The following RS1 variants were observed in gnomAD, a reference collection of about 807,000 sequenced individuals.
RS1 encodes the protein retinoschisin.
RS1 carries 2 observed loss-of-function variants against 20.8 expected under a neutral mutation model. The ratio of observed to expected loss-of-function variants is 0.10; its 90% CI spans 0.04 to 0.30. The LOEUF (loss-of-function observed/expected upper bound fraction) is 0.30, where lower values mean the gene tolerates loss of function less well. RS1 is among the 10% of genes least tolerant of loss of function. The pLI, the probability that RS1 is intolerant of heterozygous loss-of-function variation, is 1.00. For synonymous variants in RS1, 70 were observed against 75.8 expected, an observed-to-expected ratio of 0.92 and a Z score of 0.40; for missense variants, 151 against 189.8, an observed-to-expected ratio of 0.80 and a Z score of 1.20.
chrX:18,647,450 C>T, intron 3 of RS1, 118 bp from the exon 4 acceptor site: 2 of 767,588 alleles, frequency 2.6e-6, no homozygotes, highest in Non-Finnish European at 3.9e-6. Context: ...GAAGGCTTTA[C>T]CTGTCTCTGT....
At chrX:18,649,707 A>C (rs1329602034) in intron 3 of RS1, among the ~76,000 whole-genome samples, 3 of 112,086 alleles carry the variant, frequency 2.7e-5, no homozygotes, top group Non-Finnish European at 1.9e-5. Flanking sequence ...CCAACTTTTG[A>C]AAGTGCACCT....
At chrX:18,651,220 AGTGTGTGTGT>A (rs3838188) in intron 3 of RS1, among the ~76,000 whole-genome samples, 59 of 65,187 alleles carry the variant, frequency 9.1e-4, no homozygotes, top group African/African-American at 3.5e-3. Flanking sequence ...GGCAGGAGCA[AGTGTGTGTGT>A]GTGTGTGTGT....
chrX:18,647,745 A>T, intron 3 of RS1: 1 of 175,822 alleles, frequency 5.7e-6, no homozygotes, highest in Non-Finnish European at 1.1e-5. Context: ...ATCCTGCCTC[A>T]TGACGTCAGG....
At chrX:18,667,063 GA>G (rs759919444) in intron 1 of RS1, among the ~76,000 whole-genome samples, 48 of 111,549 alleles carry the variant, frequency 4.3e-4, no homozygotes, top group Non-Finnish European at 5.5e-4. Flanking sequence ...GTGCTCTGCG[GA>G]GTTAACGACT....
intron 3 of RS1, among the ~76,000 whole-genome samples, chrX:18,651,250 TGTGTGTGTGTGTGTGA>T (rs1461482098): frequency 7.1e-5 from 7 of 98,459 alleles, no homozygotes; most frequent in Non-Finnish European, 1.2e-4. Context: ...TGTGTGTGTG[TGTGTGTGTGTGTGTGA>T]GAGAGAGAGA....
chrX:18,664,780 T>G (rs972898035), intron 1 of RS1, among the ~76,000 whole-genome samples: 1 of 111,266 alleles, frequency 9.0e-6, no homozygotes, highest in Non-Finnish European at 1.9e-5. Context: ...AGTGGTGCTA[T>G]CTCACCTCAC....
At position 18,642,176 on chromosome X, in the gene RS1, C is replaced by A. The variant is rs996875452; in HGVS notation, c.523-20G>T. On this transcript the variant is annotated intron_variant, in intron 5 of 5. Transcript: ENST00000379984. ...GAAGACCTAGAGAGATAGAGGAAATCCTGTCACCATCACATCGGGGAGGGA... is the reference window on the plus strand; with the variant it reads ...GAAGACCTAGAGAGATAGAGGAAATACTGTCACCATCACATCGGGGAGGGA... 2 of 1,204,541 alleles carry A rather than the reference C, an allele frequency of 1.7e-6. No individual in the cohort carries two copies. The highest frequency in any genetic ancestry group is 3.5e-5 in the African/African-American group (2 of 57,062).
At chrX:18,646,019 A>G (rs1268843837) in intron 4 of RS1, 1 of 1,209,969 alleles carries the variant, frequency 8.3e-7, no homozygotes, top group Non-Finnish European at 1.1e-6. Flanking sequence ...GGTGGATGTG[A>G]TGGCAGAAGA....
At chrX:18,666,631 A>G (rs1018418495) in intron 1 of RS1, among the ~76,000 whole-genome samples, 4 of 111,513 alleles carry the variant, frequency 3.6e-5, no homozygotes, top group African/African-American at 1.3e-4. Flanking sequence ...TGGCCACGGC[A>G]AGTGTGGCAA....
chrX:18,661,745 G>A lies in RS1; in HGVS notation c.53-4080C>T, dbSNP rs1426350752. Among the ~76,000 whole-genome samples, 5 of 111,872 alleles carry A rather than the reference G, an allele frequency of 4.5e-5. No homozygotes were observed. In the East Asian group the frequency reaches 1.4e-3, roughly 32 times the overall value. ...TCGTTCCGCCGGTTGATGGCCTGGG[G>A]CTGCCGGCGTCTATCGTGCGCTCTT... On this transcript the variant is annotated intron_variant, in intron 1 of 5. Transcript: ENST00000379984.
At chrX:18,662,064 C>T (rs759403934) in intron 1 of RS1, among the ~76,000 whole-genome samples, 4 of 111,837 alleles carry the variant, frequency 3.6e-5, no homozygotes, top group African/African-American at 3.2e-5. Context: ...TTGCCCCTTC[C>T]GCCATGGGAG....
At chrX:18,659,249 C>T (rs1005267523) in intron 1 of RS1, among the ~76,000 whole-genome samples, 2 of 110,659 alleles carry the variant, frequency 1.8e-5, no homozygotes, top group Non-Finnish European at 3.8e-5. Context: ...TGAGACAGGC[C>T]GATCACTTGA....
chrX:18,658,780 T>TTCATCATCA (rs35009798), intron 1 of RS1, among the ~76,000 whole-genome samples: 97 of 103,841 alleles, frequency 9.3e-4, no homozygotes, highest in East Asian at 1.5e-3. Flanking sequence ...TTATTAAATC[T>TTCATCATCA]TCATCATCAT....
At chrX:18,657,216 A>ATTTTTTTTTT (rs1491322520) in intron 2 of RS1, among the ~76,000 whole-genome samples, 1 of 36,297 alleles carries the variant, frequency 2.8e-5, no homozygotes, top group African/African-American at 8.9e-5. Flanking sequence ...CAAAAAAAAT[A>ATTTTTTTTTT]CTTTTTTTTT....
chrX:18,653,304 A>G, intron 3 of RS1: 1 of 1,131,471 alleles, frequency 8.8e-7, no homozygotes, highest in Non-Finnish European at 1.2e-6. Flanking sequence ...ATAGCATTAA[A>G]GTGAAGATTA....
chrX:18,648,266 C>T (rs1461696178), intron 3 of RS1, among the ~76,000 whole-genome samples: 1 of 109,568 alleles, frequency 9.1e-6, no homozygotes, highest in Non-Finnish European at 1.9e-5. Flanking sequence ...TCTTTTGAGA[C>T]AGGGTCTCGC....
chrX:18,656,552 TG>T, intron 3 of RS1, 100 bp downstream of exon 3: 1 of 606,898 alleles, frequency 1.6e-6, no homozygotes, highest in Non-Finnish European at 2.9e-6. Flanking sequence ...ATTCTAAAGA[TG>T]GGGGTAGCGT....
At chrX:18,666,078 G>C (rs1402848236) in intron 1 of RS1, among the ~76,000 whole-genome samples, 2 of 110,571 alleles carry the variant, frequency 1.8e-5, no homozygotes, top group East Asian at 5.7e-4. Context: ...TCCAGTCCCA[G>C]CTTTAGGTGC....
Position 18,653,494 on chromosome X carries a change from C to G in RS1, c.184+3159G>C, listed in dbSNP as rs377160785. ...CCTGATTCACAGGGCCCAGGTAAAC[C>G]AAGCTGCGCTCCTGACATACCATGA... is the stretch of plus-strand genomic sequence containing the variant. On this transcript the variant is annotated intron_variant, in intron 3 of 5. Transcript: ENST00000379984. 3 of 1,210,102 alleles carry G rather than the reference C, an allele frequency of 2.5e-6. No homozygotes were observed. In the African/African-American group the frequency reaches 5.2e-5, roughly 21 times the overall value.
Sources: gnomAD v4.1 joint callset for allele counts (sites outside exome capture counted in the v4.1 genomes callset) on GRCh38, gnomAD v4.1.1 for gene constraint, MANE v1.5 for transcripts, NCBI Gene and HGNC (gene_info 2026-07-23, HGNC 2026-07-21) for gene names.